The following DNM3 variants were observed in gnomAD, a reference collection of about 807,000 sequenced individuals.
The protein encoded by DNM3 is dynamin-3.
DNM3 carries 47 observed loss-of-function variants against 101.6 expected under a neutral mutation model. The observed-to-expected ratio is 0.46, with a 90% CI of 0.37 to 0.59. DNM3 has a LOEUF of 0.59. Ranked by LOEUF, DNM3 falls within the 20% of genes least tolerant of loss-of-function variation. The probability of loss-of-function intolerance (pLI) is 0.00; values close to 1 mark genes in which losing one functional copy is unlikely to be tolerated. For synonymous variants in DNM3, 385 were observed against 387.9 expected (o/e 0.99, Z 0.09); for missense variants, 849 against 1,085.7 (o/e 0.78, Z 3.06).
At chr1:172,013,685 G>T (rs1286895021) in intron 4 of DNM3, among the ~76,000 whole-genome samples, 1 of 152,030 alleles carries the variant, frequency 6.6e-6, no homozygotes, top group South Asian at 2.1e-4. Flanking sequence ...TGAAGGATAG[G>T]TAGGAGTTGA....
chr1:172,100,439 T>A (rs1329884776), intron 13 of DNM3, among the ~76,000 whole-genome samples: 3 of 152,244 alleles, frequency 2.0e-5, no homozygotes, highest in Non-Finnish European at 4.4e-5. Flanking sequence ...TGTATGTACA[T>A]GCTTTGAGTC....
At chr1:172,371,145 T>G (rs757646254) in intron 17 of DNM3, among the ~76,000 whole-genome samples, 1 of 151,982 alleles carries the variant, frequency 6.6e-6, no homozygotes, top group Non-Finnish European at 1.5e-5. Flanking sequence ...GAATTGGTGC[T>G]CCTTAAATAC....
At chr1:172,043,562 G>T (rs1438844384) in intron 8 of DNM3, among the ~76,000 whole-genome samples, 1 of 152,172 alleles carries the variant, frequency 6.6e-6, no homozygotes, top group Non-Finnish European at 1.5e-5. Context: ...GTGTAAGGGA[G>T]CCAGGCTTCT....
At chr1:172,257,547 A>G (rs2062455484) in intron 15 of DNM3, among the ~76,000 whole-genome samples, 1 of 152,086 alleles carries the variant, frequency 6.6e-6, no homozygotes, top group South Asian at 2.1e-4. Flanking sequence ...TTATGTTAGT[A>G]TAGCTACACT....
intron 14 of DNM3, among the ~76,000 whole-genome samples, chr1:172,152,313 C>A (rs1219216763): frequency 6.7e-6 from 1 of 148,500 alleles, no homozygotes; most frequent in Admixed American, 6.7e-5. Context: ...TTTAGTACTA[C>A]AATTCAATTG....
intron 10 of DNM3, among the ~76,000 whole-genome samples, chr1:172,057,318 C>A (rs1168009355): frequency 1.3e-5 from 2 of 152,112 alleles, no homozygotes; most frequent in Admixed American, 1.3e-4. Context: ...GGCAGGCCAA[C>A]GCTCAGATTC....
chr1:172,010,349 T>C (rs1300988546), intron 4 of DNM3, among the ~76,000 whole-genome samples: 1 of 151,922 alleles, frequency 6.6e-6, no homozygotes, highest in Non-Finnish European at 1.5e-5. Context: ...TTCCTTCAGC[T>C]TGAAGAACTT....
chr1:172,400,609 T>TC (rs1009458647), intron 20 of DNM3, among the ~76,000 whole-genome samples: 1 of 152,068 alleles, frequency 6.6e-6, no homozygotes, highest in African/African-American at 2.4e-5. Context: ...AGCTCTTTCC[T>TC]CCCCCAAGTT....
chr1:172,413,199 AT>A (rs1251409150), downstream of DNM3, among the ~76,000 whole-genome samples: 1 of 152,144 alleles, frequency 6.6e-6, no homozygotes, highest in Non-Finnish European at 1.5e-5. Flanking sequence ...AGACAGGACA[AT>A]TTGCCCCTTT....
intron 2 of DNM3, among the ~76,000 whole-genome samples, chr1:171,940,167 T>C (rs1201551589): frequency 1.3e-5 from 2 of 152,226 alleles, no homozygotes; most frequent in African/African-American, 4.8e-5. Context: ...CTCTAGGTGT[T>C]TATTTTTCAA....
chr1:172,078,294 A>G (rs1237254006), intron 11 of DNM3, among the ~76,000 whole-genome samples: 1 of 152,018 alleles, frequency 6.6e-6, no homozygotes, highest in Non-Finnish European at 1.5e-5. Flanking sequence ...GGGTTTCATC[A>G]TATTAGCCAG....
intron 18 of DNM3, among the ~76,000 whole-genome samples, chr1:172,380,496 T>G (rs2068836854): frequency 1.3e-5 from 2 of 152,102 alleles, no homozygotes; most frequent in African/African-American, 4.8e-5. Context: ...AGCTGGATGC[T>G]TTGAAGAATC....
intron 4 of DNM3, among the ~76,000 whole-genome samples, chr1:171,991,658 T>A (rs1326825282): frequency 2.0e-5 from 3 of 152,216 alleles, no homozygotes; most frequent in Non-Finnish European, 4.4e-5. Flanking sequence ...CATTAGCTAT[T>A]GGTGATCAAC....
intron 2 of DNM3, among the ~76,000 whole-genome samples, chr1:171,965,934 A>C (rs1014974964): frequency 2.0e-5 from 3 of 151,780 alleles, no homozygotes; most frequent in African/African-American, 7.3e-5. Flanking sequence ...GCGTAAACTT[A>C]GGTATGGTTG....
intron 14 of DNM3, among the ~76,000 whole-genome samples, chr1:172,181,501 A>G (rs1283461156): frequency 6.6e-6 from 1 of 152,078 alleles, no homozygotes; most frequent in Non-Finnish European, 1.5e-5. Flanking sequence ...TTCTTTATGC[A>G]TAACGTCAAT....
intron 10 of DNM3, among the ~76,000 whole-genome samples, chr1:172,067,772 G>C (rs968964155): frequency 6.6e-6 from 1 of 152,142 alleles, no homozygotes; most frequent in Non-Finnish European, 1.5e-5. Flanking sequence ...TTTAGATGGG[G>C]TTAAGTGATT....
At chr1:171,875,813 CTTT>C (rs60523795) in intron 1 of DNM3, among the ~76,000 whole-genome samples, 6 of 104,674 alleles carry the variant, frequency 5.7e-5, no homozygotes, top group South Asian at 3.5e-4. Context: ...AGTTGTCTCT[CTTT>C]TTTTTTTTTT....
At chr1:172,109,644 A>G (rs1303776507) in intron 13 of DNM3, among the ~76,000 whole-genome samples, 1 of 152,232 alleles carries the variant, frequency 6.6e-6, no homozygotes, top group Non-Finnish European at 1.5e-5. Context: ...TGTTTGAGCC[A>G]ACATCTGCAA....
At chr1:172,263,125 T>C (rs1483665611) in intron 15 of DNM3, among the ~76,000 whole-genome samples, 1 of 152,198 alleles carries the variant, frequency 6.6e-6, no homozygotes, top group Non-Finnish European at 1.5e-5. Context: ...CAATAGATTG[T>C]AGAAACAAAA....
Sources: allele counts gnomAD v4.1 joint callset (sites outside exome capture counted in the v4.1 genomes callset), GRCh38; gene constraint gnomAD v4.1.1; transcripts MANE v1.5; gene names NCBI Gene and HGNC (gene_info 2026-07-23, HGNC 2026-07-21).